Variants in TGFA observed in about 807,000 individuals in gnomAD.
The protein encoded by TGFA is protransforming growth factor alpha.
A neutral mutation model predicts 21.7 loss-of-function variants in TGFA; 12 were observed. The ratio of observed to expected loss-of-function variants is 0.55; its 90% CI spans 0.35 to 0.90. TGFA has a LOEUF of 0.90. Among genes scored for constraint, TGFA ranks in the 40% least tolerant of loss-of-function variants. TGFA has a pLI of 0.01. For synonymous variants in TGFA, 79 were observed against 88.1 expected (o/e 0.90, Z 0.58); for missense variants, 178 against 210.8 (o/e 0.84, Z 0.96).
chr2:70,463,814 C>T (rs949496185), intron 3 of TGFA, among the ~76,000 whole-genome samples: 1 of 152,128 alleles, frequency 6.6e-6, no homozygotes, highest in Non-Finnish European at 1.5e-5. Flanking sequence ...CAGTGTTTTT[C>T]CACAATGACC....
chr2:70,553,250 G>C, intron 1 of TGFA: 1 of 1,536,168 alleles, frequency 6.5e-7, no homozygotes, highest in South Asian at 1.2e-5. Flanking sequence ...ATCTCTGCTC[G>C]TCGCTGGGGC....
chr2:70,548,531 C>G (rs1673387177), intron 1 of TGFA, among the ~76,000 whole-genome samples: 1 of 152,194 alleles, frequency 6.6e-6, no homozygotes, highest in Middle Eastern at 3.4e-3. Flanking sequence ...GGTACAAATG[C>G]GAAGGTGAAG....
intron 1 of TGFA, among the ~76,000 whole-genome samples, chr2:70,520,419 G>GC (rs5832015): frequency 1 from 152,065 of 152,066 alleles, 76,032 homozygotes; most frequent in Non-Finnish European, 1. Context: ...GGAGGCAGAG[G>GC]AGGAGAATTG....
At chr2:70,551,052 T>C (rs1673485471) in intron 1 of TGFA, among the ~76,000 whole-genome samples, 1 of 146,490 alleles carries the variant, frequency 6.8e-6, no homozygotes, top group Non-Finnish European at 1.5e-5. Flanking sequence ...TGGAATTCTA[T>C]GGGGCCCAAA....
At chr2:70,462,518 G>T (rs1423570720) in intron 3 of TGFA, among the ~76,000 whole-genome samples, 1 of 152,214 alleles carries the variant, frequency 6.6e-6, no homozygotes, top group Non-Finnish European at 1.5e-5. Context: ...AGAATGAAGG[G>T]CTGGAGAGCG....
At chr2:70,468,322 A>G (rs1246297605) in intron 2 of TGFA, 1 of 152,220 alleles carries the variant, frequency 6.6e-6, no homozygotes, top group African/African-American at 2.4e-5. Context: ...TCCTCTGAGC[A>G]GGAGTCTGCA....
intron 2 of TGFA, among the ~76,000 whole-genome samples, chr2:70,498,959 GCCAT>G (rs1334432439): frequency 6.6e-6 from 1 of 152,082 alleles, no homozygotes; most frequent in Non-Finnish European, 1.5e-5. Context: ...ATGCCTGGAT[GCCAT>G]CCCCAGGCCC....
In TGFA at chr2:70,475,309, G is replaced by A. The variant is rs1285895356; in HGVS notation, c.95-9573C>T. ...CAAGTGCTATGCCCAGCATTTTATA[G>A]AGCGAATTCTATTTAATCCCCACAA... On this transcript the variant is annotated intron_variant, in intron 2 of 5. Transcript: ENST00000295400. Among the ~76,000 whole-genome samples, 3 of 152,124 alleles carry A rather than the reference G, an allele frequency of 2.0e-5. No homozygotes were observed. In the East Asian group the frequency reaches 5.8e-4, roughly 29 times the overall value.
intron 1 of TGFA, among the ~76,000 whole-genome samples, chr2:70,531,742 A>G (rs2103905315): frequency 6.6e-6 from 1 of 152,348 alleles, no homozygotes; most frequent in African/African-American, 2.4e-5. Flanking sequence ...ATCTGCTGCT[A>G]TGTCAAGGAT....
intron 2 of TGFA, among the ~76,000 whole-genome samples, chr2:70,483,546 GTTTGT>G (rs1671188871): frequency 6.6e-6 from 1 of 152,144 alleles, no homozygotes; most frequent in Non-Finnish European, 1.5e-5. Context: ...TATTTACTAT[GTTTGT>G]TTTATTCTTT....
chr2:70,534,847 A>T (rs1007398012), intron 1 of TGFA, among the ~76,000 whole-genome samples: 1 of 152,162 alleles, frequency 6.6e-6, no homozygotes, highest in Non-Finnish European at 1.5e-5. Context: ...CTGTTACACG[A>T]TGGTGCTCTC....
chr2:70,544,969 T>C (rs1203364255), intron 1 of TGFA, among the ~76,000 whole-genome samples: 4 of 152,226 alleles, frequency 2.6e-5, no homozygotes, highest in South Asian at 2.1e-4. Flanking sequence ...CAGAGGACTA[T>C]AGTCAATAAT....
At chr2:70,498,973 C>G (rs1553498728) in intron 2 of TGFA, among the ~76,000 whole-genome samples, 1 of 152,064 alleles carries the variant, frequency 6.6e-6, no homozygotes, top group African/African-American at 2.4e-5. Context: ...TCCCCAGGCC[C>G]TGTAAATTAG....
chr2:70,453,126 G>A, intron 5 of TGFA, 92 bp downstream of exon 5: 1 of 1,153,570 alleles, frequency 8.7e-7, no homozygotes, highest in Non-Finnish European at 1.3e-6. Flanking sequence ...CTCTCTTCCT[G>A]CTTCATACTC....
intron 1 of TGFA, 60 bp downstream of exon 1, chr2:70,553,668 G>A: frequency 7.5e-7 from 1 of 1,330,940 alleles, no homozygotes; most frequent in Non-Finnish European, 9.6e-7. Flanking sequence ...GGAACTCGGC[G>A]GGGACCGGGG....
At chr2:70,517,099 C>T (rs1559130766) in intron 1 of TGFA, among the ~76,000 whole-genome samples, 1 of 152,234 alleles carries the variant, frequency 6.6e-6, no homozygotes, top group African/African-American at 2.4e-5. Flanking sequence ...AGCCTTGGGG[C>T]AAATTACTTC....
At chr2:70,490,581 T>G (rs1218791144) in intron 2 of TGFA, among the ~76,000 whole-genome samples, 4 of 152,226 alleles carry the variant, frequency 2.6e-5, no homozygotes, top group African/African-American at 9.7e-5. Context: ...CATCAATCTT[T>G]CCCGCTTAGA....
chr2:70,502,422 C>T (rs1438950796), intron 2 of TGFA, among the ~76,000 whole-genome samples: 4 of 152,200 alleles, frequency 2.6e-5, no homozygotes, highest in African/African-American at 9.7e-5. Context: ...TCACTGCAAC[C>T]TTCGCTTCCC....
intron 2 of TGFA, among the ~76,000 whole-genome samples, chr2:70,478,727 G>A (rs564467533): frequency 6.6e-6 from 1 of 152,300 alleles, no homozygotes; most frequent in South Asian, 2.1e-4. Context: ...ATGACTTGCT[G>A]TCTTATCACT....
Sources: gnomAD v4.1 joint callset for allele counts (sites outside exome capture counted in the v4.1 genomes callset) on GRCh38, gnomAD v4.1.1 for gene constraint, MANE v1.5 for transcripts, NCBI Gene and HGNC (gene_info 2026-07-23, HGNC 2026-07-21) for gene names.